ABCB1: variants seen among roughly 807,000 people sequenced by gnomAD.
ABCB1 encodes ATP-dependent translocase ABCB1.
Under a neutral mutation model 142.0 loss-of-function variants are expected in ABCB1, and 69 were observed. That is an observed-to-expected ratio of 0.49 (90% CI 0.40 to 0.59). ABCB1 has a LOEUF of 0.59. ABCB1 is among the 20% of genes least tolerant of loss of function. The probability of loss-of-function intolerance (pLI) is 0.00; values close to 1 mark genes in which losing one functional copy is unlikely to be tolerated. For synonymous variants in ABCB1, 532 were observed against 539.2 expected (o/e 0.99, Z 0.18); for missense variants, 1,326 against 1,554.7 (o/e 0.85, Z 2.47).
intron 4 of ABCB1, among the ~76,000 whole-genome samples, chr7:87,577,504 T>C (rs1213263851): frequency 1.3e-5 from 2 of 152,204 alleles, no homozygotes; most frequent in Admixed American, 6.5e-5. Context: ...CCATCATGGT[T>C]GTACTAATTT....
chr7:87,670,509 T>G (rs1042180072), intron 1 of ABCB1, among the ~76,000 whole-genome samples: 8 of 152,206 alleles, frequency 5.3e-5, no homozygotes, highest in African/African-American at 1.9e-4. Flanking sequence ...AAACTCTTGT[T>G]GGGGAATGGG....
At chr7:87,626,174 T>TTGTCATATATGTCATATATA (rs1820474146) in intron 1 of ABCB1, among the ~76,000 whole-genome samples, 1 of 82,016 alleles carries the variant, frequency 1.2e-5, no homozygotes, top group Non-Finnish European at 2.4e-5. Context: ...GTCATATATA[T>TTGTCATATATGTCATATATA]TGTCATATAT....
chr7:87,530,949 G>A (rs1044155768), intron 21 of ABCB1, among the ~76,000 whole-genome samples: 1 of 149,836 alleles, frequency 6.7e-6, no homozygotes, highest in African/African-American at 2.5e-5. Context: ...AAGGAAGGAA[G>A]GAAAGAAGGA....
At chr7:87,546,108 A>G (rs1260790576) in intron 14 of ABCB1, 84 bp from the exon 15 acceptor site, 1 of 1,375,992 alleles carries the variant, frequency 7.3e-7, no homozygotes, top group South Asian at 1.2e-5. Context: ...TACTGAACCA[A>G]TGCTGTGGGC....
At chr7:87,528,915 A>C (rs1471674557) in intron 21 of ABCB1, among the ~76,000 whole-genome samples, 1 of 152,222 alleles carries the variant, frequency 6.6e-6, no homozygotes, top group African/African-American at 2.4e-5. Context: ...AAGAATGCCC[A>C]CTGGGCCAGG....
chr7:87,572,400 T>A (rs1185678745), intron 4 of ABCB1, among the ~76,000 whole-genome samples: 7 of 152,152 alleles, frequency 4.6e-5, no homozygotes, highest in Middle Eastern at 3.2e-3. Context: ...AAGTAAAAAA[T>A]TTTGTTCAAG....
chr7:87,626,748 A>ATGTCATATATATGTGTCATATATATG (rs1563081969), intron 1 of ABCB1, among the ~76,000 whole-genome samples: 1 of 24,356 alleles, frequency 4.1e-5, no homozygotes, highest in African/African-American at 2.1e-4. Context: ...TGTCATATAT[A>ATGTCATATATATGTGTCATATATATG]TGTCATATAT....
Position 87,520,906 on chromosome 7 carries a change from G to C in ABCB1, c.2686-30C>G. On this transcript the variant is annotated intron_variant, in intron 21 of 27. Transcript: ENST00000622132. ...AACAGACAGCACCGATCACCAAGAG[G>C]CACAAGAGTAAATAGTGGTGATTAA... is the stretch of plus-strand genomic sequence containing the variant. 3.9e-6 allele frequency: 6 copies of C among 1,525,436 alleles called. 1 individual carries two copies. In the South Asian group the frequency reaches 6.7e-5, roughly 17 times the overall value. The allele number at this position is 1,525,436 out of a possible 1,614,324, so 94.5% of individuals were successfully genotyped here.
chr7:87,526,267 C>A (rs1456162636), intron 21 of ABCB1, among the ~76,000 whole-genome samples: 1 of 151,818 alleles, frequency 6.6e-6, no homozygotes, highest in Non-Finnish European at 1.5e-5. Flanking sequence ...TTTTCTCCAG[C>A]AGAAATTTAT....
At chr7:87,507,401 T>C (rs1280600949) in intron 26 of ABCB1, among the ~76,000 whole-genome samples, 2 of 152,240 alleles carry the variant, frequency 1.3e-5, no homozygotes, top group Non-Finnish European at 2.9e-5. Context: ...CGTGGATTGC[T>C]GGATCTGCAG....
intron 3 of ABCB1, among the ~76,000 whole-genome samples, chr7:87,586,742 A>G (rs150035184): frequency 1.6e-4 from 25 of 152,338 alleles, no homozygotes; most frequent in African/African-American, 6.0e-4. Flanking sequence ...GCTTACATGA[A>G]TCTTACAGTA....
chr7:87,701,289 A>G (rs1585140853), intron 1 of ABCB1, among the ~76,000 whole-genome samples: 1 of 152,228 alleles, frequency 6.6e-6, no homozygotes, highest in Non-Finnish European at 1.5e-5. Context: ...AAGTGAGCCT[A>G]TTACTTCAAG....
intron 21 of ABCB1, chr7:87,521,166 C>A (rs1169445553): frequency 4.8e-6 from 2 of 418,844 alleles, no homozygotes; most frequent in South Asian, 5.0e-5. Context: ...GCAAAATTAA[C>A]CAGAGAACTC....
rs865953662 is a variant in ABCB1, at chr7:87,704,010, T to A, written c.-331+9151A>T. Reference sequence around the variant, plus strand: ...ATCTCAGCTCACTGCAACCTCCACCTCCCAGGCTCAAGCAATTCTCCTGCC... The same window carrying A: ...ATCTCAGCTCACTGCAACCTCCACCACCCAGGCTCAAGCAATTCTCCTGCC... On this transcript the variant is annotated intron_variant, in intron 1 of 28. Coordinates refer to the ABCB1 transcript ENST00000265724. 8.9e-4 allele frequency among the ~76,000 whole-genome samples: 115 copies of A among 129,852 alleles called. No homozygotes were observed. In the Middle Eastern group the frequency reaches 0.018, roughly 21 times the overall value. 85.2% of individuals were successfully genotyped at this position (129,852 alleles called of 152,430 possible).
intron 1 of ABCB1, among the ~76,000 whole-genome samples, chr7:87,652,719 A>G (rs1017228961): frequency 1.3e-5 from 2 of 150,636 alleles, no homozygotes; most frequent in African/African-American, 2.4e-5. Context: ...GGACTTTCAT[A>G]TATTATTTCC....
In ABCB1 at chr7:87,622,325, A is replaced by G. The variant is rs1978095; in HGVS notation, c.-330-21247T>C. On this transcript the variant is annotated intron_variant, in intron 1 of 28. Transcript: ENST00000265724. ...ACATAAATGAACAATAAGTGCACAA[A>G]ATAAATGTGCATTTTCATTACTAAT... is the stretch of plus-strand genomic sequence containing the variant. Among the ~76,000 whole-genome samples, 3,169 of 151,598 alleles carry G rather than the reference A, an allele frequency of 0.021. 226 individuals carry two copies. The East Asian group carries it at 0.25, about 12-fold the overall frequency.
chr7:87,527,448 C>T (rs192149685), intron 21 of ABCB1, among the ~76,000 whole-genome samples: 1 of 152,198 alleles, frequency 6.6e-6, no homozygotes, highest in Admixed American at 6.5e-5. Context: ...GGTTCTTATG[C>T]TAGATTCATT....
chr7:87,658,201 A>C (rs1436764307), intron 1 of ABCB1, among the ~76,000 whole-genome samples: 1 of 152,218 alleles, frequency 6.6e-6, no homozygotes, highest in Non-Finnish European at 1.5e-5. Flanking sequence ...AAGAAATGGA[A>C]GATACAAAGA....
intron 1 of ABCB1, chr7:87,628,580 C>CGTGTGTGTGTGTGTGT (rs1430415147): frequency 2.7e-5 from 8 of 292,474 alleles, no homozygotes; most frequent in African/African-American, 2.5e-4. Context: ...GTGGTGCGTG[C>CGTGTGTGTGTGTGTGT]GTGCGTGTGT....
Sources: gnomAD v4.1 joint callset for allele counts (sites outside exome capture counted in the v4.1 genomes callset) on GRCh38, gnomAD v4.1.1 for gene constraint, MANE v1.5 for transcripts, NCBI Gene and HGNC (gene_info 2026-07-23, HGNC 2026-07-21) for gene names.